NBPF3: variants seen among roughly 807,000 people sequenced by gnomAD.
NBPF3 encodes NBPF family member NBPF3.
NBPF3 carries 57 observed loss-of-function variants against 78.1 expected under a neutral mutation model. That is an observed-to-expected ratio of 0.73 (90% CI 0.59 to 0.91). The LOEUF is 0.91. Among genes scored for constraint, NBPF3 ranks in the 40% least tolerant of loss-of-function variants. The pLI, the probability that NBPF3 is intolerant of heterozygous loss-of-function variation, is 0.00. For synonymous variants in NBPF3, 182 were observed against 271.7 expected (o/e 0.67, Z 3.25); for missense variants, 510 against 715.3 (o/e 0.71, Z 3.27).
Position 21,479,389 on chromosome 1 carries a change from C to G in NBPF3, c.1197C>G (p.Ala399=). 1 of 1,610,714 alleles carries G rather than the reference C, an allele frequency of 6.2e-7. No homozygotes were observed. The highest frequency in any genetic ancestry group is 8.5e-7 in the Non-Finnish European group (1 of 1,178,378). The change falls in exon 10 of 15, where the codon GCC becomes GCG. Residue 399 remains alanine (A), a synonymous_variant. Coordinates refer to ENST00000318249, the MANE Select transcript of NBPF3 (RefSeq NM_032264.6). ...CDQVKKEDQE[A]TSPRLSRELL... Reference sequence around the variant, plus strand: ...AAGTGAAAAAGGAGGACCAAGAGGCCACAAGTCCCAGGTGAGTCTGAGAAA... The same window carrying G: ...AAGTGAAAAAGGAGGACCAAGAGGCGACAAGTCCCAGGTGAGTCTGAGAAA...
At position 21,471,764 on chromosome 1, in the gene NBPF3, C is replaced by G; in HGVS notation, c.642C>G (p.Leu214=). The part of the protein sequence containing the change: ...LAEGCRLAQH[L]VQKLSPENDD... ...AGGGATGTAGGCTGGCACAGCACCT[C>G]GTCCAAAAGCTCAGCCCAGGTGAGG... is the stretch of plus-strand genomic sequence containing the variant. Residue 214 remains leucine (L), a synonymous_variant, in exon 5 of 15, where the codon CTC becomes CTG. Coordinates refer to ENST00000318249, the MANE Select transcript of NBPF3 (RefSeq NM_032264.6). 6.2e-7 allele frequency: 1 copy of G among 1,613,058 alleles called. No homozygotes were observed. The highest frequency in any genetic ancestry group is 8.5e-7 in the Non-Finnish European group (1 of 1,179,818).
At chr1:21,473,956 C>A (rs114921126) in intron 7 of NBPF3, among the ~76,000 whole-genome samples, 1 of 152,180 alleles carries the variant, frequency 6.6e-6, no homozygotes, top group Non-Finnish European at 1.5e-5. Flanking sequence ...GCAGCCTTGC[C>A]TTTGTGTTTG....
chr1:21,442,718 T>G lies in NBPF3; in HGVS notation c.-139-2230T>G, dbSNP rs542903129. ...TCACTCTATTGCCCAGGCTAGAGTG[T>G]GGTGGCAGGATCTCAGCTCACTCAA... On this transcript the variant is annotated intron_variant, in intron 1 of 14. Coordinates refer to ENST00000318249, the MANE Select transcript of NBPF3 (RefSeq NM_032264.6). Among the ~76,000 whole-genome samples, 5 of 152,132 alleles carry G rather than the reference T, an allele frequency of 3.3e-5. No individual in the cohort carries two copies. The East Asian group carries it at 9.7e-4, about 29-fold the overall frequency.
chr1:21,449,482 A>ATTTATTTT (rs1553387323), intron 2 of NBPF3, among the ~76,000 whole-genome samples: 1 of 151,874 alleles, frequency 6.6e-6, no homozygotes, highest in Non-Finnish European at 1.5e-5. Flanking sequence ...TTATTTATTT[A>ATTTATTTT]TTTTTTGAGA....
At chr1:21,454,341 C>T (rs10737459) in intron 2 of NBPF3, 82,389 of 152,020 alleles carry the variant, frequency 0.54, 23,094 homozygotes, top group Admixed American at 0.66. Context: ...CTCAATAGTT[C>T]TGAGGACGGA....
intron 8 of NBPF3, chr1:21,477,940 C>T (rs1017854553): frequency 8.1e-5 from 85 of 1,046,570 alleles, no homozygotes; most frequent in Non-Finnish European, 1.0e-4. Flanking sequence ...GTACTGAGCA[C>T]GTGCTGCCCA....
chr1:21,437,183 AG>A (rs1355099136), upstream of NBPF3, among the ~76,000 whole-genome samples: 1 of 151,878 alleles, frequency 6.6e-6, no homozygotes, highest in African/African-American at 2.4e-5. Context: ...CTTGGGAACT[AG>A]GGGCAGAGCC....
chr1:21,468,227 G>A, intron 2 of NBPF3: 1 of 219,486 alleles, frequency 4.6e-6, no homozygotes, highest in Non-Finnish European at 8.5e-6. Context: ...AATGAGGAAT[G>A]TGCTTAGATG....
chr1:21,467,247 T>G, intron 2 of NBPF3: 4 of 985,442 alleles, frequency 4.1e-6, no homozygotes, highest in Non-Finnish European at 4.8e-6. Context: ...CCAGTCCTCC[T>G]TCCTTCACTA....
chr1:21,444,719 A>G (rs1640862175), intron 1 of NBPF3, among the ~76,000 whole-genome samples: 1 of 152,040 alleles, frequency 6.6e-6, no homozygotes, highest in South Asian at 2.1e-4. Context: ...CACCATGCTC[A>G]GCTTATTTTT....
At chr1:21,468,534 T>C (rs1467407667) in intron 2 of NBPF3, 154 bp from the exon 3 acceptor site, 2 of 1,499,290 alleles carry the variant, frequency 1.3e-6, no homozygotes, top group African/African-American at 1.4e-5. Context: ...ACATTGTTTT[T>C]GTCGTTAAGG....
Position 21,483,309 on chromosome 1 carries a change from G to T in NBPF3, c.1825G>T (p.Val609Leu). Residue 609 changes from valine to leucine, a missense_variant, in exon 15 of 15, where the codon GTG becomes TTG. By Grantham distance (32) the Val-to-Leu change is conservative. Around this residue, in one of 5 missense-constraint regions of NBPF3, gnomAD observed 18 missense variants for 65.2 expected, o/e 0.28. Coordinates refer to ENST00000318249, the MANE Select transcript of NBPF3 (RefSeq NM_032264.6). ...EEQDVSLALD[V>L]DNRFFTLTVI... is the part of the protein sequence containing the mutation. ...ACAGGACGTCAGCTTGGCCCTTGAC[G>T]TGGACAATAGGTTTTTTACTTTGAC... The T allele has an allele frequency of 7.8e-7, 1 of 1,286,000 alleles. No individual in the cohort carries two copies. Among genetic ancestry groups the T allele is most frequent in the Non-Finnish European group, 1.1e-6 (1 of 945,018 alleles). 79.7% of individuals were successfully genotyped at this position (1,286,000 alleles called of 1,614,324 possible).
intron 2 of NBPF3, chr1:21,449,813 G>A (rs780066748): frequency 4.0e-5 from 11 of 278,102 alleles, no homozygotes; most frequent in Non-Finnish European, 6.0e-5. Context: ...TAACAGTAAA[G>A]CCACACTCCT....
chr1:21,479,304 G>A (rs1460565425), intron 9 of NBPF3, 45 bp from the exon 10 acceptor site: 3 of 1,594,060 alleles, frequency 1.9e-6, no homozygotes, highest in Non-Finnish European at 2.6e-6. Context: ...CGTGTGCAAG[G>A]AAGAACTGCT....
chr1:21,470,464 T>C (rs1642523317), intron 3 of NBPF3, among the ~76,000 whole-genome samples, 168 bp from the exon 4 acceptor site: 1 of 152,214 alleles, frequency 6.6e-6, no homozygotes, highest in Non-Finnish European at 1.5e-5. Flanking sequence ...GAGGATCAGC[T>C]GCCAGTAAGT....
intron 2 of NBPF3, chr1:21,451,960 T>G: frequency 4.3e-6 from 2 of 461,518 alleles, no homozygotes; most frequent in Non-Finnish European, 5.7e-6. Flanking sequence ...CCAGTAGTTT[T>G]TCCAGGGCAG....
chr1:21,457,951 A>T (rs1432675032), intron 2 of NBPF3, among the ~76,000 whole-genome samples: 1 of 152,174 alleles, frequency 6.6e-6, no homozygotes, highest in East Asian at 1.9e-4. Context: ...CAAAATTACA[A>T]AGTTTTCCTG....
At chr1:21,451,932 C>CT in intron 2 of NBPF3, 1 of 838,158 alleles carries the variant, frequency 1.2e-6, no homozygotes, top group East Asian at 1.2e-4. Context: ...ACACAGAGAG[C>CT]TTTTTTGAAA....
chr1:21,469,275 T>C (rs1642455928), intron 3 of NBPF3, among the ~76,000 whole-genome samples: 1 of 152,184 alleles, frequency 6.6e-6, no homozygotes, highest in South Asian at 2.1e-4. Context: ...AGTGAACCCT[T>C]ATTGTGTTCA....
Sources: allele counts gnomAD v4.1 joint callset (sites outside exome capture counted in the v4.1 genomes callset), GRCh38; gene constraint gnomAD v4.1.1; regional missense constraint gnomAD v4.1.1; transcripts MANE v1.5; gene names NCBI Gene and HGNC (gene_info 2026-07-23, HGNC 2026-07-21).